ACBD6: variants seen among roughly 807,000 people sequenced by gnomAD.
ACBD6 encodes the protein acyl-CoA binding domain containing 6, also known as acyl-CoA-binding domain-containing protein 6.
Under a neutral mutation model 37.2 loss-of-function variants are expected in ACBD6, and 28 were observed. The ratio of observed to expected loss-of-function variants is 0.75; its 90% CI spans 0.56 to 1.03. ACBD6 has a LOEUF of 1.03. Ranked by LOEUF, ACBD6 falls within the 50% of genes least tolerant of loss-of-function variation. The pLI, the probability that ACBD6 is intolerant of heterozygous loss-of-function variation, is 0.00. For synonymous variants in ACBD6, 113 were observed against 126.8 expected (o/e 0.89, Z 0.73); for missense variants, 340 against 337.4 (o/e 1.01, Z -0.06).
At chr1:180,462,297 C>G (rs951507181) in intron 3 of ACBD6, among the ~76,000 whole-genome samples, 3 of 152,076 alleles carry the variant, frequency 2.0e-5, no homozygotes, top group Admixed American at 6.6e-5. Context: ...GTGTGGCAAG[C>G]TGGATAAAGA....
At chr1:180,500,028 G>A (rs772248454) in intron 1 of ACBD6, among the ~76,000 whole-genome samples, 7 of 151,556 alleles carry the variant, frequency 4.6e-5, no homozygotes, top group Non-Finnish European at 7.4e-5. Context: ...CAGGAGGATC[G>A]CTTGAAGCCA....
rs749748842 is a variant in ACBD6, at chr1:180,495,447, C to T, written c.287+14G>A. 8 of 1,581,030 alleles carry T rather than the reference C, an allele frequency of 5.1e-6. No homozygotes were observed. In the African/African-American group the frequency reaches 6.8e-5, roughly 13 times the overall value. On this transcript the variant is annotated intron_variant, in intron 2 of 7. Transcript: ENST00000367595. ...TTTCCAACAACCTCATTAAAGATTCCAGGAATTTCTTACCATTTTTGCTTT... is the reference window on the plus strand; with the variant it reads ...TTTCCAACAACCTCATTAAAGATTCTAGGAATTTCTTACCATTTTTGCTTT...
At chr1:180,436,008 G>T in intron 3 of ACBD6, 3 of 826,514 alleles carry the variant, frequency 3.6e-6, no homozygotes. Flanking sequence ...AGAATTTACT[G>T]TATCGTTTAA....
intron 3 of ACBD6, among the ~76,000 whole-genome samples, chr1:180,471,326 G>A (rs1650556881): frequency 6.6e-6 from 1 of 151,722 alleles, no homozygotes; most frequent in African/African-American, 2.4e-5. Flanking sequence ...ACCTGAGACT[G>A]GAGAGGTCAA....
chr1:180,485,463 G>A (rs901432047), intron 3 of ACBD6, among the ~76,000 whole-genome samples: 2 of 152,190 alleles, frequency 1.3e-5, no homozygotes, highest in African/African-American at 4.8e-5. Context: ...ACCAGAAAAA[G>A]GAGAGGGAGA....
intron 6 of ACBD6, among the ~76,000 whole-genome samples, chr1:180,360,983 G>A (rs879264406): frequency 6.6e-6 from 1 of 152,104 alleles, no homozygotes; most frequent in Non-Finnish European, 1.5e-5. Context: ...TCACGCAAAG[G>A]GGGGTCAGTT....
chr1:180,383,944 G>A (rs192204430), intron 6 of ACBD6, among the ~76,000 whole-genome samples: 76 of 152,042 alleles, frequency 5.0e-4, no homozygotes, highest in Non-Finnish European at 8.7e-4. Flanking sequence ...TCAATAAATG[G>A]TGCTGGAAAA....
At chr1:180,437,584 A>G (rs891321269) in intron 3 of ACBD6, among the ~76,000 whole-genome samples, 21 of 152,258 alleles carry the variant, frequency 1.4e-4, no homozygotes, top group African/African-American at 5.1e-4. Flanking sequence ...ATCTGTTCAC[A>G]GACAACAAGA....
At chr1:180,356,716 G>A (rs1409222586) in intron 6 of ACBD6, among the ~76,000 whole-genome samples, 1 of 151,764 alleles carries the variant, frequency 6.6e-6, no homozygotes, top group African/African-American at 2.4e-5. Flanking sequence ...AGGTTGTGGT[G>A]GTGTGTGCCT....
At chr1:180,472,727 TA>T (rs765974816) in intron 3 of ACBD6, among the ~76,000 whole-genome samples, 11 of 152,206 alleles carry the variant, frequency 7.2e-5, no homozygotes, top group Admixed American at 1.3e-4. Context: ...AAACACATTC[TA>T]AAGTACTTTA....
chr1:180,430,368 A>G, intron 3 of ACBD6, 106 bp from the exon 4 acceptor site: 1 of 945,922 alleles, frequency 1.1e-6, no homozygotes, highest in Non-Finnish European at 1.7e-6. Context: ...TAAGGATTTT[A>G]CCCTCAACCA....
Position 180,273,964 on chromosome 1 carries a change from TG to T in ACBD6, c.*1084del, listed in dbSNP as rs1648855700. ...AACATTTGTCCATCCTTCTGGGACCTGGGAATTTAGTCTTTGCAGGTGTTTC... is the reference window on the plus strand; with the variant it reads ...AACATTTGTCCATCCTTCTGGGACCTGGAATTTAGTCTTTGCAGGTGTTTC... On this transcript the variant is annotated 3_prime_UTR_variant, in exon 11 of 14. Transcript: ENST00000642319. 158 of 585,706 alleles carry T rather than the reference TG, an allele frequency of 2.7e-4. 1 individual carries two copies. The South Asian group carries it at 3.0e-3, about 11-fold the overall frequency. The allele number at this position is 585,706 out of a possible 1,614,324, so 36.3% of individuals were successfully genotyped here.
intron 4 of ACBD6, among the ~76,000 whole-genome samples, chr1:180,416,693 CT>C (rs1648109190): frequency 6.6e-6 from 1 of 152,154 alleles, no homozygotes; most frequent in Admixed American, 6.5e-5. Context: ...TTTTGACATT[CT>C]TTTGAAATAT....
chr1:180,439,667 T>C (rs757962881), intron 3 of ACBD6, among the ~76,000 whole-genome samples: 2 of 152,214 alleles, frequency 1.3e-5, no homozygotes, highest in Non-Finnish European at 2.9e-5. Context: ...TCCATTACCA[T>C]TGAAGTGTTT....
At chr1:180,391,313 T>C (rs999137465) in intron 6 of ACBD6, among the ~76,000 whole-genome samples, 1 of 152,036 alleles carries the variant, frequency 6.6e-6, no homozygotes, top group African/African-American at 2.4e-5. Flanking sequence ...AATAAGATCA[T>C]AAAAATTTAA....
chr1:180,371,468 T>C (rs1653262736), intron 6 of ACBD6, among the ~76,000 whole-genome samples: 1 of 152,122 alleles, frequency 6.6e-6, no homozygotes, highest in Non-Finnish European at 1.5e-5. Flanking sequence ...ATGTGGATAT[T>C]TTATAATTTT....
At chr1:180,321,073 G>A (rs1402887758) in intron 6 of ACBD6, among the ~76,000 whole-genome samples, 2 of 151,956 alleles carry the variant, frequency 1.3e-5, no homozygotes, top group African/African-American at 2.4e-5. Context: ...TATGTTTTTG[G>A]TACTTTTGTT....
chr1:180,401,869 TATG>T (rs1293578887), intron 5 of ACBD6, among the ~76,000 whole-genome samples: 1 of 151,908 alleles, frequency 6.6e-6, no homozygotes, highest in East Asian at 1.9e-4. Flanking sequence ...TTGATGTTCT[TATG>T]ATATTTTGAG....
At chr1:180,488,400 CCA>C (rs1452200382) in intron 3 of ACBD6, among the ~76,000 whole-genome samples, 5 of 152,114 alleles carry the variant, frequency 3.3e-5, no homozygotes, top group Non-Finnish European at 7.4e-5. Context: ...CCTCAAGGTA[CCA>C]CAGAGCTTTG....
Sources: allele counts gnomAD v4.1 joint callset (sites outside exome capture counted in the v4.1 genomes callset), GRCh38; gene constraint gnomAD v4.1.1; transcripts MANE v1.5; gene names NCBI Gene and HGNC (gene_info 2026-07-23, HGNC 2026-07-21).